The following LINC00632 variants were observed in gnomAD, a reference collection of about 807,000 sequenced individuals.
The protein encoded by LINC00632 is ALDOA related specific transcript.
chrX:140,783,020 A>T (rs1383757331), exon 5 of LINC00632: 5 of 113,465 alleles, frequency 4.4e-5, no homozygotes, highest in African/African-American at 1.6e-4. Context: ...AATATCTCTA[A>T]TTTCCAGAGA....
chrX:140,780,294 C>T (rs7052240), exon 5 of LINC00632, among the ~76,000 whole-genome samples: 18,728 of 110,727 alleles, frequency 0.17, 1,240 homozygotes, highest in Middle Eastern at 0.23. Context: ...TACTTAATTT[C>T]CCTCAAATTA....
chrX:140,741,119 C>T (rs774682343), intron 3 of LINC00632, among the ~76,000 whole-genome samples: 4 of 112,166 alleles, frequency 3.6e-5, no homozygotes. Flanking sequence ...CCCTGCTTAA[C>T]CCCAGATAAG....
At chrX:140,752,837 C>G (rs1451559653) in intron 3 of LINC00632, among the ~76,000 whole-genome samples, 3 of 111,291 alleles carry the variant, frequency 2.7e-5, no homozygotes, top group Non-Finnish European at 5.6e-5. Context: ...CAACTGGGAG[C>G]CTCCTGAGTT....
At chrX:140,724,336 T>C (rs963827353) in intron 2 of LINC00632, among the ~76,000 whole-genome samples, 1 of 39,282 alleles carries the variant, frequency 2.5e-5, no homozygotes, top group Non-Finnish European at 5.1e-5. Flanking sequence ...ACACACACTT[T>C]CCATACACAT....
intron 3 of LINC00632, among the ~76,000 whole-genome samples, chrX:140,762,242 A>AGAGAGAGAGAGC (rs1286418753): frequency 0.36 from 36,058 of 99,418 alleles, 5,559 homozygotes; most frequent in East Asian, 0.71. Context: ...AGAGAGAGAG[A>AGAGAGAGAGAGC]GCACTCTTAT....
At chrX:140,711,858 T>C (rs1930523165) in intron 2 of LINC00632, 1 of 147,555 alleles carries the variant, frequency 6.8e-6, no homozygotes, top group African/African-American at 3.2e-5. Context: ...TTCTTTCCTT[T>C]GATTAGTGTA....
At chrX:140,783,301 C>T in exon 5 of LINC00632, 4 of 334,307 alleles carry the variant, frequency 1.2e-5, no homozygotes, top group Non-Finnish European at 2.1e-5. Flanking sequence ...ATCTTCCAGA[C>T]AATCCATGTC....
At chrX:140,762,180 G>T (rs1355087795) in intron 3 of LINC00632, among the ~76,000 whole-genome samples, 2 of 104,101 alleles carry the variant, frequency 1.9e-5, no homozygotes, top group East Asian at 5.9e-4. Flanking sequence ...AGGTCCTACA[G>T]CTTATAGCGA....
chrX:140,716,780 TAC>T (rs200811174), intron 2 of LINC00632, among the ~76,000 whole-genome samples: 2,012 of 89,511 alleles, frequency 0.022, 17 homozygotes, highest in Middle Eastern at 0.053. Flanking sequence ...GCCCACAACA[TAC>T]ACACACACAC....
intron 3 of LINC00632, among the ~76,000 whole-genome samples, chrX:140,740,733 T>C (rs1174565024): frequency 9.0e-6 from 1 of 111,544 alleles, no homozygotes; most frequent in Non-Finnish European, 1.9e-5. Context: ...CTTAATGCTC[T>C]GCTGTCACTG....
intron 2 of LINC00632, among the ~76,000 whole-genome samples, chrX:140,720,147 A>AATGC (rs1254037262): frequency 1.8e-5 from 2 of 110,782 alleles, no homozygotes; most frequent in Non-Finnish European, 3.8e-5. Context: ...CATGCTCCAC[A>AATGC]ATGCATGGAT....
At chrX:140,762,219 GA>G (rs1316700075) in intron 3 of LINC00632, among the ~76,000 whole-genome samples, 4 of 92,553 alleles carry the variant, frequency 4.3e-5, no homozygotes, top group Non-Finnish European at 8.8e-5. Flanking sequence ...AAGAGAGAGA[GA>G]GAGAGAGAGA....
intron 3 of LINC00632, among the ~76,000 whole-genome samples, chrX:140,744,567 T>TTG (rs1556024293): frequency 9.9e-4 from 18 of 18,235 alleles, no homozygotes; most frequent in African/African-American, 3.2e-3. Flanking sequence ...AGCTTTTTTT[T>TTG]GGGGGGGGGG....
At chrX:140,722,889 A>C in intron 2 of LINC00632, among the ~76,000 whole-genome samples, 1 of 110,661 alleles carries the variant, frequency 9.0e-6, no homozygotes, top group East Asian at 2.8e-4. Flanking sequence ...GTCTCTACTA[A>C]AAATACAAAA....
chrX:140,767,248 T>C (rs1931707452), intron 3 of LINC00632, among the ~76,000 whole-genome samples: 1 of 111,441 alleles, frequency 9.0e-6, no homozygotes, highest in African/African-American at 3.3e-5. Flanking sequence ...TTCAATTTCC[T>C]CATCTATAAA....
exon 5 of LINC00632, among the ~76,000 whole-genome samples, chrX:140,788,810 G>GTGTATA (rs760770584): frequency 0.016 from 1,204 of 73,717 alleles, no homozygotes; most frequent in Middle Eastern, 0.034. Context: ...ACACATATAT[G>GTGTATA]TATCTATATT....
exon 5 of LINC00632, among the ~76,000 whole-genome samples, chrX:140,778,618 G>GA (rs57214136): frequency 0.054 from 2,180 of 40,235 alleles, 63 homozygotes; most frequent in African/African-American, 0.12. Context: ...AACAAACAAA[G>GA]AAAAAAAAAA....
chrX:140,727,340 G>A (rs1010119505), intron 2 of LINC00632, among the ~76,000 whole-genome samples: 23 of 111,872 alleles, frequency 2.1e-4, no homozygotes, highest in African/African-American at 6.2e-4. Flanking sequence ...TGCCCAGGCC[G>A]GAGCGCAGTG....
At chrX:140,776,400 G>A (rs2056332992) in exon 5 of LINC00632, among the ~76,000 whole-genome samples, 1 of 112,688 alleles carries the variant, frequency 8.9e-6, no homozygotes, top group Non-Finnish European at 1.9e-5. Flanking sequence ...CAGATTCCTC[G>A]TTGCCATCTA....
Sources: allele counts gnomAD v4.1 joint callset (sites outside exome capture counted in the v4.1 genomes callset), GRCh38; gene constraint gnomAD v4.1.1; transcripts MANE v1.5; gene names NCBI Gene and HGNC (gene_info 2026-07-23, HGNC 2026-07-21).